The following CCSER1 variants were observed in gnomAD, a reference collection of about 807,000 sequenced individuals.
The protein encoded by CCSER1 is coiled-coil serine rich protein 1, also known as serine-rich coiled-coil domain-containing protein 1.
A neutral mutation model predicts 82.0 loss-of-function variants in CCSER1; 41 were observed. The ratio of observed to expected loss-of-function variants is 0.50; its 90% CI spans 0.39 to 0.65. The LOEUF is 0.65. Among genes scored for constraint, CCSER1 ranks in the 30% least tolerant of loss-of-function variants. CCSER1 has a pLI of 0.00. For synonymous variants in CCSER1, 414 were observed against 383.9 expected (o/e 1.08, Z -0.92); for missense variants, 1,119 against 1,064.2 (o/e 1.05, Z -0.72).
At chr4:91,512,602 A>G (rs761214995) in intron 10 of CCSER1, among the ~76,000 whole-genome samples, 30 of 152,182 alleles carry the variant, frequency 2.0e-4, no homozygotes, top group Non-Finnish European at 4.1e-4. Context: ...GACAAACTTA[A>G]TAAACTCCCT....
intron 10 of CCSER1, among the ~76,000 whole-genome samples, chr4:91,538,138 C>A (rs1406039547): frequency 6.6e-6 from 1 of 151,932 alleles, no homozygotes; most frequent in Non-Finnish European, 1.5e-5. Context: ...TTTAAATTTT[C>A]TTGTTTACTC....
chr4:91,339,372 A>G (rs1560598507), intron 10 of CCSER1, among the ~76,000 whole-genome samples: 1 of 152,096 alleles, frequency 6.6e-6, no homozygotes, highest in Non-Finnish European at 1.5e-5. Context: ...ATTTTTGATC[A>G]CTTATGAATC....
chr4:91,384,274 G>A (rs1169757967), intron 10 of CCSER1, among the ~76,000 whole-genome samples: 3 of 151,948 alleles, frequency 2.0e-5, no homozygotes, highest in East Asian at 1.9e-4. Context: ...ATCCATGGTT[G>A]ACAAAAATGT....
At chr4:90,945,516 G>C (rs115869268) in intron 9 of CCSER1, among the ~76,000 whole-genome samples, 24 of 151,896 alleles carry the variant, frequency 1.6e-4, no homozygotes, top group African/African-American at 5.6e-4. Flanking sequence ...CTTTTACTTG[G>C]TGTGTATCAG....
intron 5 of CCSER1, among the ~76,000 whole-genome samples, chr4:90,557,304 A>G (rs1179036431): frequency 6.6e-6 from 1 of 152,092 alleles, no homozygotes; most frequent in African/African-American, 2.4e-5. Flanking sequence ...ATTGATCGAT[A>G]CAGCAAAGAT....
chr4:91,109,997 G>A (rs947375655), intron 10 of CCSER1, among the ~76,000 whole-genome samples: 4 of 152,088 alleles, frequency 2.6e-5, no homozygotes, highest in South Asian at 4.1e-4. Context: ...TATATAGCAC[G>A]TATTTTGGAG....
At chr4:91,243,538 A>G (rs942901189) in intron 10 of CCSER1, among the ~76,000 whole-genome samples, 2 of 152,210 alleles carry the variant, frequency 1.3e-5, no homozygotes, top group Admixed American at 6.5e-5. Flanking sequence ...GAGGTCAAAG[A>G]GTAAAGAGGA....
At chr4:91,209,155 CA>C (rs1359032977) in intron 10 of CCSER1, among the ~76,000 whole-genome samples, 15 of 151,944 alleles carry the variant, frequency 9.9e-5, no homozygotes, top group African/African-American at 3.6e-4. Context: ...ATGTCATCTG[CA>C]AACAGTGACA....
chr4:90,349,527 T>C (rs1743039974), intron 3 of CCSER1, among the ~76,000 whole-genome samples: 1 of 152,122 alleles, frequency 6.6e-6, no homozygotes, highest in African/African-American at 2.4e-5. Flanking sequence ...CAGAATGGCA[T>C]GTTCTTATTT....
chr4:90,828,397 T>C lies in CCSER1; in HGVS notation c.2094+12552T>C, dbSNP rs572567727. ...AAGAAATCTCCCATAGTCAGCCAAA[T>C]ACAGAGTGAGAGAATGGTCAAAAGT... On this transcript the variant is annotated intron_variant, in intron 8 of 10. Transcript: ENST00000509176. Among the ~76,000 whole-genome samples, 3 of 152,278 alleles carry C rather than the reference T, an allele frequency of 2.0e-5. No homozygotes were observed. In the East Asian group the frequency reaches 5.8e-4, roughly 29 times the overall value.
intron 7 of CCSER1, among the ~76,000 whole-genome samples, chr4:90,749,116 C>T (rs1307149142): frequency 1.3e-5 from 2 of 151,818 alleles, no homozygotes; most frequent in African/African-American, 2.4e-5. Flanking sequence ...CTTGCGCATG[C>T]CTATGTCCTG....
At chr4:91,467,805 C>T (rs2149440166) in intron 10 of CCSER1, among the ~76,000 whole-genome samples, 1 of 152,294 alleles carries the variant, frequency 6.6e-6, no homozygotes, top group East Asian at 1.9e-4. Context: ...CAATGAGATA[C>T]CATCTCACAC....
chr4:91,466,791 T>G (rs1756938634), intron 10 of CCSER1, among the ~76,000 whole-genome samples: 1 of 152,178 alleles, frequency 6.6e-6, no homozygotes. Flanking sequence ...GGAATCCAAC[T>G]TACAAGGGAT....
intron 10 of CCSER1, among the ~76,000 whole-genome samples, chr4:91,439,239 G>A (rs916908250): frequency 7.2e-5 from 11 of 151,978 alleles, no homozygotes; most frequent in African/African-American, 1.9e-4. Context: ...GAGAAAGGTC[G>A]GGTTACCCCC....
At position 91,424,852 on chromosome 4, in the gene CCSER1, G is replaced by A. The variant is rs187030636; in HGVS notation, c.2218-173720G>A. 1.7e-4 allele frequency among the ~76,000 whole-genome samples: 26 copies of A among 152,148 alleles called. No individual in the cohort carries two copies. The East Asian group carries it at 5.0e-3, about 29-fold the overall frequency. ...TAATTGGTGTGAGTATGTAGAAAAA[G>A]AAAATGTTTTAGGTAAGAGAAACAA... is the stretch of plus-strand genomic sequence containing the variant. On this transcript the variant is annotated intron_variant, in intron 10 of 10. Transcript: ENST00000509176.
intron 8 of CCSER1, among the ~76,000 whole-genome samples, chr4:90,897,114 A>G (rs920206996): frequency 2.0e-5 from 3 of 151,924 alleles, no homozygotes; most frequent in Non-Finnish European, 4.4e-5. Flanking sequence ...TCTAAATAAT[A>G]TATACATATA....
At chr4:90,957,516 C>T (rs59886126) in intron 9 of CCSER1, among the ~76,000 whole-genome samples, 9,284 of 106,594 alleles carry the variant, frequency 0.087, 487 homozygotes, top group East Asian at 0.25. Flanking sequence ...TATAATATAA[C>T]ATAATATCAT....
At chr4:90,509,179 AAG>A (rs1310265630) in intron 5 of CCSER1, among the ~76,000 whole-genome samples, 2 of 152,080 alleles carry the variant, frequency 1.3e-5, no homozygotes, top group Non-Finnish European at 2.9e-5. Flanking sequence ...TGTGTGCAAA[AAG>A]AGCGTTTTTT....
chr4:91,127,248 T>G (rs548204430), intron 10 of CCSER1, among the ~76,000 whole-genome samples: 43 of 152,066 alleles, frequency 2.8e-4, no homozygotes, highest in Non-Finnish European at 5.6e-4. Flanking sequence ...GGGCACTATA[T>G]GGATAAAATA....
Sources: gnomAD v4.1 joint callset for allele counts (sites outside exome capture counted in the v4.1 genomes callset) on GRCh38, gnomAD v4.1.1 for gene constraint, MANE v1.5 for transcripts, NCBI Gene and HGNC (gene_info 2026-07-23, HGNC 2026-07-21) for gene names.